Variants in PSMB7 observed in about 807,000 individuals in gnomAD.
The protein encoded by PSMB7 is proteasome subunit beta type-7.
In PSMB7, 5 loss-of-function variants were observed where a neutral mutation model predicts 28.1. The ratio of observed to expected loss-of-function variants is 0.18; its 90% CI spans 0.09 to 0.37. The LOEUF (loss-of-function observed/expected upper bound fraction) is 0.37, where lower values mean the gene tolerates loss of function less well. PSMB7 is among the 10% of genes least tolerant of loss of function. The pLI is 1.00. For synonymous variants in PSMB7, 122 were observed against 123.7 expected (o/e 0.99, Z 0.09); for missense variants, 275 against 346.2 (o/e 0.79, Z 1.63).
At chr9:124,411,570 C>T (rs1403748113) in intron 4 of PSMB7, among the ~76,000 whole-genome samples, 1 of 152,224 alleles carries the variant, frequency 6.6e-6, no homozygotes, top group African/African-American at 2.4e-5. Flanking sequence ...GCCCAGGCTA[C>T]TTCTCCTAAA....
At chr9:124,371,870 G>A (rs1048071772) in intron 6 of PSMB7, among the ~76,000 whole-genome samples, 8 of 152,158 alleles carry the variant, frequency 5.3e-5, no homozygotes, top group African/African-American at 1.9e-4. Flanking sequence ...CTGGTCACAA[G>A]ACCAGAAGTT....
intron 6 of PSMB7, among the ~76,000 whole-genome samples, chr9:124,382,012 C>G (rs1439826756): frequency 6.6e-6 from 1 of 151,626 alleles, no homozygotes; most frequent in Non-Finnish European, 1.5e-5. Flanking sequence ...GTAATCCCAG[C>G]CTTTGGGAGG....
intron 5 of PSMB7, chr9:124,396,882 G>A (rs1228548658): frequency 4.4e-6 from 2 of 453,834 alleles, no homozygotes; most frequent in South Asian, 3.3e-5. Context: ...ATTAATCTGA[G>A]AATTAAAAGA....
chr9:124,371,549 A>G (rs1830563004), intron 6 of PSMB7, among the ~76,000 whole-genome samples: 1 of 152,240 alleles, frequency 6.6e-6, no homozygotes, highest in South Asian at 2.1e-4. Flanking sequence ...ACAAAAGAGT[A>G]TCTTTTATTT....
intron 5 of PSMB7, among the ~76,000 whole-genome samples, chr9:124,400,123 C>T (rs1047584133): frequency 3.9e-5 from 6 of 152,204 alleles, no homozygotes; most frequent in Admixed American, 1.3e-4. Flanking sequence ...CTCACTGCTC[C>T]TGCCGCACCC....
intron 5 of PSMB7, among the ~76,000 whole-genome samples, chr9:124,399,891 C>T (rs1026646809): frequency 1.8e-4 from 27 of 152,204 alleles, no homozygotes; most frequent in African/African-American, 6.5e-4. Flanking sequence ...CAGCTGTCAG[C>T]TGCTCCTTCT....
intron 6 of PSMB7, among the ~76,000 whole-genome samples, chr9:124,357,979 G>A (rs1564674523): frequency 6.6e-6 from 1 of 152,182 alleles, no homozygotes; most frequent in African/African-American, 2.4e-5. Flanking sequence ...ACTGGACCTG[G>A]GGAACACCAA....
chr9:124,371,463 G>A (rs1830562514), intron 6 of PSMB7, among the ~76,000 whole-genome samples: 1 of 152,194 alleles, frequency 6.6e-6, no homozygotes, highest in Admixed American at 6.5e-5. Context: ...CCCCCTGAAA[G>A]CCACTGTTCA....
chr9:124,409,308 T>G (rs1339634693), intron 4 of PSMB7, among the ~76,000 whole-genome samples: 2 of 152,222 alleles, frequency 1.3e-5, no homozygotes. Context: ...CTACAATAAA[T>G]GTACATTATG....
At chr9:124,369,677 G>T (rs2131149796) in intron 6 of PSMB7, among the ~76,000 whole-genome samples, 1 of 152,236 alleles carries the variant, frequency 6.6e-6, no homozygotes, top group East Asian at 1.9e-4. Flanking sequence ...CAACTTCCAG[G>T]ACTGCACGAC....
chr9:124,370,619 A>C (rs1449052747), intron 6 of PSMB7, among the ~76,000 whole-genome samples: 1 of 152,174 alleles, frequency 6.6e-6, no homozygotes, highest in Non-Finnish European at 1.5e-5. Flanking sequence ...GGGCATTTTT[A>C]AATTACCATA....
chr9:124,405,004 T>A (rs931684853), intron 5 of PSMB7, among the ~76,000 whole-genome samples: 1 of 152,172 alleles, frequency 6.6e-6, no homozygotes, highest in Admixed American at 6.5e-5. Context: ...TTATATATAT[T>A]TATAATACCT....
At chr9:124,413,478 G>A (rs1219911102) in intron 3 of PSMB7, among the ~76,000 whole-genome samples, 4 of 152,106 alleles carry the variant, frequency 2.6e-5, no homozygotes, top group Non-Finnish European at 2.9e-5. Context: ...AGAAAGGGAT[G>A]CCATCAGATC....
intron 5 of PSMB7, among the ~76,000 whole-genome samples, chr9:124,386,796 T>C (rs1179329493): frequency 6.6e-6 from 1 of 152,068 alleles, no homozygotes; most frequent in East Asian, 1.9e-4. Context: ...AGCTGTTTTT[T>C]CCTCCGGGGC....
chr9:124,411,414 C>T (rs1324930196), intron 4 of PSMB7, among the ~76,000 whole-genome samples: 1 of 152,222 alleles, frequency 6.6e-6, no homozygotes, highest in Admixed American at 6.5e-5. Context: ...TACTGTCTAT[C>T]CGTGCTCCCC....
At chr9:124,384,121 C>A (rs1466715444) in intron 6 of PSMB7, 1 of 154,022 alleles carries the variant, frequency 6.5e-6, no homozygotes, top group Non-Finnish European at 1.4e-5. Flanking sequence ...ATGAATCCCC[C>A]ACATGTGTGG....
intron 4 of PSMB7, among the ~76,000 whole-genome samples, chr9:124,411,442 C>A (rs189413685): frequency 4.3e-4 from 66 of 152,326 alleles, no homozygotes; most frequent in African/African-American, 1.5e-3. Flanking sequence ...CTCACAACCA[C>A]CCCACTAGGG....
chr9:124,365,063 CA>C (rs990192445), intron 6 of PSMB7, among the ~76,000 whole-genome samples: 1 of 152,132 alleles, frequency 6.6e-6, no homozygotes, highest in Non-Finnish European at 1.5e-5. Flanking sequence ...TAAAGATGGC[CA>C]AAATGAGGCA....
At chr9:124,359,567 C>T (rs1266697439) in intron 6 of PSMB7, among the ~76,000 whole-genome samples, 1 of 152,206 alleles carries the variant, frequency 6.6e-6, no homozygotes, top group Non-Finnish European at 1.5e-5. Context: ...CATCAGGCCC[C>T]AGAGCCACAA....
Sources: allele counts gnomAD v4.1 joint callset (sites outside exome capture counted in the v4.1 genomes callset), GRCh38; gene constraint gnomAD v4.1.1; transcripts MANE v1.5; gene names NCBI Gene and HGNC (gene_info 2026-07-23, HGNC 2026-07-21).